Variants in C18orf63 observed in about 807,000 individuals in gnomAD.
C18orf63 encodes chromosome 18 open reading frame 63, also known as uncharacterized protein C18orf63.
C18orf63 carries 50 observed loss-of-function variants against 75.3 expected under a neutral mutation model. The observed-to-expected ratio is 0.66, with a 90% CI of 0.53 to 0.84. C18orf63 has a LOEUF of 0.84. Among genes scored for constraint, C18orf63 ranks in the 40% least tolerant of loss-of-function variants. The pLI, the probability that C18orf63 is intolerant of heterozygous loss-of-function variation, is 0.00. For missense variants in C18orf63, 732 were observed against 800.2 expected (o/e 0.91, Z 1.03); for synonymous variants, 232 against 267.6 (o/e 0.87, Z 1.30).
rs1278075426 is a variant in C18orf63, at chr18:74,353,366, G to T, written c.1099G>T (p.Asp367Tyr). Residue 367 changes from aspartate (D) to tyrosine (Y), a missense_variant, in exon 12 of 14, where the codon GAC becomes TAC. Transcript: ENST00000579455. ...QSLLPCSVAV[D>Y]HKVELSVSQP... ...TCTTCTACCATGTTCAGTAGCAGTG[G>T]ACCACAAGGTGGAGCTTTCAGTCAG... 6.5e-7 allele frequency: 1 copy of T among 1,536,398 alleles called. No individual in the cohort carries two copies. The highest frequency in any genetic ancestry group is 8.7e-7 in the Non-Finnish European group (1 of 1,146,960).
At chr18:74,351,449 C>T (rs989771129) in intron 11 of C18orf63, among the ~76,000 whole-genome samples, 4 of 152,070 alleles carry the variant, frequency 2.6e-5, no homozygotes, top group African/African-American at 9.7e-5. Flanking sequence ...TTTCTGGGGA[C>T]ATTTGTTCTT....
At chr18:74,356,177 G>A (rs1984761277) in intron 13 of C18orf63, among the ~76,000 whole-genome samples, 1 of 152,140 alleles carries the variant, frequency 6.6e-6, no homozygotes, top group South Asian at 2.1e-4. Context: ...TTACCTGCAT[G>A]TATTGTAGGG....
intron 2 of C18orf63, among the ~76,000 whole-genome samples, chr18:74,318,983 A>C (rs753656085): frequency 3.3e-5 from 5 of 152,174 alleles, no homozygotes; most frequent in Non-Finnish European, 5.9e-5. Flanking sequence ...GCAAGAAATA[A>C]GGAAGCCACT....
chr18:74,324,650 A>G (rs569722701), intron 4 of C18orf63, among the ~76,000 whole-genome samples: 7 of 152,212 alleles, frequency 4.6e-5, no homozygotes, highest in Non-Finnish European at 1.0e-4. Flanking sequence ...TACAAGAAAA[A>G]ATGAAAAATT....
rs1326002242 is a variant in C18orf63, at chr18:74,353,988, G to C, written c.1721G>C (p.Gly574Ala). The stretch of plus-strand genomic sequence containing the variant: ...ATGAAAGGAAAAGAAAATTTAACAG[G>C]CAAAGGTATAACACAAATTTTAGGG... ...FQMKGKENLT[G>A]KGITQILGKS... The change falls in exon 12 of 14, where the codon GGC becomes GCC. Residue 574 changes from glycine to alanine, a missense_variant. By Grantham distance (60) the Gly-to-Ala change is moderately conservative (BLOSUM62 0). Transcript: ENST00000579455. 3.9e-6 allele frequency: 6 copies of C among 1,536,196 alleles called. No individual in the cohort carries two copies. Among genetic ancestry groups the C allele is most frequent in the Non-Finnish European group, 5.2e-6 (6 of 1,146,956 alleles).
chr18:74,350,229 T>C (rs1345013047), intron 11 of C18orf63, among the ~76,000 whole-genome samples: 1 of 152,114 alleles, frequency 6.6e-6, no homozygotes, highest in African/African-American at 2.4e-5. Flanking sequence ...CAGGGAGTCT[T>C]CAGAAAAACA....
At chr18:74,328,745 T>G (rs144008490) in intron 5 of C18orf63, among the ~76,000 whole-genome samples, 1 of 152,336 alleles carries the variant, frequency 6.6e-6, no homozygotes, top group Non-Finnish European at 1.5e-5. Flanking sequence ...AGTCTGACTG[T>G]TTTCTAAATA....
At position 74,353,993 on chromosome 18, in the gene C18orf63, G is replaced by C; in HGVS notation, c.1726G>C (p.Gly576Arg). 1 of 1,536,368 alleles carries C rather than the reference G, an allele frequency of 6.5e-7. No homozygotes were observed. Among genetic ancestry groups the C allele is most frequent in the Non-Finnish European group, 8.7e-7 (1 of 1,146,954 alleles). The change falls in exon 12 of 14, where the codon GGT becomes CGT. Residue 576 changes from glycine (G) to arginine (R), a missense_variant. Coordinates refer to ENST00000579455, the MANE Select transcript of C18orf63 (RefSeq NM_001174123.2). ...AGGAAAAGAAAATTTAACAGGCAAAGGTATAACACAAATTTTAGGGAAAAG... is the reference window on the plus strand; with the variant it reads ...AGGAAAAGAAAATTTAACAGGCAAACGTATAACACAAATTTTAGGGAAAAG... The part of the protein sequence containing the change: ...MKGKENLTGK[G>R]ITQILGKSHG...
chr18:74,322,131 A>G (rs1025163796), intron 3 of C18orf63, among the ~76,000 whole-genome samples: 2 of 152,192 alleles, frequency 1.3e-5, no homozygotes, highest in African/African-American at 4.8e-5. Flanking sequence ...GTAGCTTGTA[A>G]TACACTTTAA....
chr18:74,327,539 G>A (rs1984228908), intron 4 of C18orf63, among the ~76,000 whole-genome samples: 1 of 152,032 alleles, frequency 6.6e-6, no homozygotes, highest in African/African-American at 2.4e-5. Context: ...TTATTGGGCT[G>A]CAAGAAATAG....
Position 74,317,071 on chromosome 18 carries a change from G to C in C18orf63, c.-32-763G>C, listed in dbSNP as rs760051298. 1.5e-3 allele frequency among the ~76,000 whole-genome samples: 223 copies of C among 152,140 alleles called. 4 individuals carry two copies. The highest frequency in any genetic ancestry group is 3.8e-4 in the Non-Finnish European group (26 of 68,034). On this transcript the variant is annotated intron_variant, in intron 1 of 13. Transcript: ENST00000579455. ...TTTCAGTACTGTGATCAGAAGGCTG[G>C]TCACACTGCACATTCCCGGGCCAGT...
At chr18:74,316,714 C>T (rs936242775) in intron 1 of C18orf63, among the ~76,000 whole-genome samples, 4 of 152,134 alleles carry the variant, frequency 2.6e-5, no homozygotes, top group African/African-American at 9.7e-5. Flanking sequence ...ATAGCGCATC[C>T]GTAGATCATA....
intron 13 of C18orf63, among the ~76,000 whole-genome samples, chr18:74,355,327 T>A (rs199653160): frequency 2.5e-5 from 1 of 39,814 alleles, no homozygotes; most frequent in Admixed American, 2.3e-4. Context: ...CATCTTAATA[T>A]TTTAATGCAC....
chr18:74,322,261 C>T (rs954709458), intron 3 of C18orf63, among the ~76,000 whole-genome samples: 4 of 152,266 alleles, frequency 2.6e-5, no homozygotes, highest in Non-Finnish European at 5.9e-5. Flanking sequence ...TAGATATTCA[C>T]GCCTTTAAAT....
chr18:74,351,059 C>T (rs1038168965), intron 11 of C18orf63, among the ~76,000 whole-genome samples: 5 of 152,158 alleles, frequency 3.3e-5, no homozygotes, highest in Admixed American at 3.3e-4. Context: ...GAAACTAAGA[C>T]GGTGTGTCTT....
intron 4 of C18orf63, 38 bp from the exon 5 acceptor site, chr18:74,327,909 T>C: frequency 8.1e-7 from 1 of 1,236,024 alleles, no homozygotes; most frequent in Non-Finnish European, 1.1e-6. Flanking sequence ...CAGCAATTGT[T>C]CTAAATTGGC....
chr18:74,335,485 A>G (rs775486366), intron 7 of C18orf63, among the ~76,000 whole-genome samples: 2 of 152,122 alleles, frequency 1.3e-5, no homozygotes, highest in Non-Finnish European at 2.9e-5. Context: ...CTTTAAAATA[A>G]TGCTTTCCTG....
intron 5 of C18orf63, 130 bp from the exon 6 acceptor site, chr18:74,328,861 ATTAC>A (rs1389267440): frequency 7.6e-6 from 4 of 527,972 alleles, no homozygotes; most frequent in Non-Finnish European, 1.4e-5. Context: ...GTCATCAGGT[ATTAC>A]TTTATATAAC....
chr18:74,329,161 G>T, intron 6 of C18orf63, 125 bp downstream of exon 6: 2 of 598,036 alleles, frequency 3.3e-6, no homozygotes, highest in Non-Finnish European at 3.0e-6. Context: ...GGCCAAGGTA[G>T]GTAGATTGTT....
Sources: allele counts gnomAD v4.1 joint callset (sites outside exome capture counted in the v4.1 genomes callset), GRCh38; gene constraint gnomAD v4.1.1; transcripts MANE v1.5; gene names NCBI Gene and HGNC (gene_info 2026-07-23, HGNC 2026-07-21).